The following STX16 variants were observed in gnomAD, a reference collection of about 807,000 sequenced individuals.
STX16 encodes the protein syntaxin 16.
Under a neutral mutation model 42.7 loss-of-function variants are expected in STX16, and 28 were observed. The ratio of observed to expected loss-of-function variants is 0.66; its 90% CI spans 0.49 to 0.90. The LOEUF (loss-of-function observed/expected upper bound fraction) is 0.90, where lower values mean the gene tolerates loss of function less well. STX16 is among the 40% of genes least tolerant of loss of function. The probability of loss-of-function intolerance (pLI) is 0.00; values close to 1 mark genes in which losing one functional copy is unlikely to be tolerated. For missense variants in STX16, 361 were observed against 420.9 expected, an observed-to-expected ratio of 0.86 and a Z score of 1.24; for synonymous variants, 156 against 155.2, an observed-to-expected ratio of 1.00 and a Z score of -0.04.
In STX16 at chr20:58,652,097, C is replaced by A; in HGVS notation, c.91C>A (p.His31Asn). ...GCTGTTAGCCGAGCAAGTGAGTAGT[C>A]ACATCACCTCCAGCCCTCTGCATTC... ...RQLLAEQVSS[H>N]ITSSPLHSRS... Residue 31 changes from histidine to asparagine, a missense_variant, in exon 1 of 9, where the codon CAC becomes AAC. Physicochemically the swap from His to Asn is moderately conservative, Grantham distance 68. Coordinates refer to ENST00000371141, the MANE Select transcript of STX16 (RefSeq NM_001001433.3). 4 of 1,614,190 alleles carry A rather than the reference C, an allele frequency of 2.5e-6. No individual in the cohort carries two copies. The highest frequency in any genetic ancestry group is 3.4e-6 in the Non-Finnish European group (4 of 1,180,036).
Position 58,651,957 on chromosome 20 carries a change from A to T in STX16, c.-50A>T. 6.3e-7 allele frequency: 1 copy of T among 1,596,900 alleles called. No individual in the cohort carries two copies. The highest frequency in any genetic ancestry group is 1.1e-5 in the South Asian group (1 of 90,580). ...CGAGAAAGAAAGTGAATAAATCAGG[A>T]ATATAAGTGGGCGGGGGGCCCCTGA... On this transcript the variant is annotated 5_prime_UTR_variant, in exon 1 of 9. Coordinates refer to ENST00000371141, the MANE Select transcript of STX16 (RefSeq NM_001001433.3).
intron 7 of STX16, 27 bp downstream of exon 7, chr20:58,671,324 T>A: frequency 1.9e-6 from 3 of 1,585,142 alleles, no homozygotes; most frequent in Non-Finnish European, 2.6e-6. Flanking sequence ...TCCTCGTGAA[T>A]AGGTTTTCCT....
intron 4 of STX16, among the ~76,000 whole-genome samples, chr20:58,669,008 T>G (rs1168916758): frequency 6.6e-6 from 1 of 152,182 alleles, no homozygotes; most frequent in Non-Finnish European, 1.5e-5. Context: ...TCCTAAACAT[T>G]GCCAATCCCA....
chr20:58,654,916 T>C (rs751137745), intron 1 of STX16, among the ~76,000 whole-genome samples: 32 of 152,216 alleles, frequency 2.1e-4, no homozygotes, highest in Non-Finnish European at 4.1e-4. Context: ...GTGTGCGACA[T>C]TTTACCATTT....
At chr20:58,663,957 C>T (rs1265315041) in intron 2 of STX16, among the ~76,000 whole-genome samples, 1 of 152,162 alleles carries the variant, frequency 6.6e-6, no homozygotes, top group Non-Finnish European at 1.5e-5. Context: ...GGATTACCGG[C>T]GTGAGCCACC....
At chr20:58,669,850 A>T (rs184824551) in intron 5 of STX16, among the ~76,000 whole-genome samples, 55 of 152,346 alleles carry the variant, frequency 3.6e-4, no homozygotes, top group East Asian at 1.9e-4. Context: ...TTTGCATAAC[A>T]ACCAAAGTGT....
At chr20:58,674,484 A>G (rs145267763) in intron 8 of STX16, among the ~76,000 whole-genome samples, 2 of 152,352 alleles carry the variant, frequency 1.3e-5, no homozygotes, top group East Asian at 3.9e-4. Context: ...TTCTAGCCAT[A>G]TAATGAGTGT....
intron 2 of STX16, among the ~76,000 whole-genome samples, chr20:58,662,499 A>ATT (rs2083723416): frequency 6.6e-6 from 1 of 152,066 alleles, no homozygotes; most frequent in Non-Finnish European, 1.5e-5. Context: ...TTATCTCTAT[A>ATT]TTTTTTGTAT....
chr20:58,670,443 C>G, intron 5 of STX16, 69 bp from the exon 6 acceptor site: 1 of 1,296,328 alleles, frequency 7.7e-7, no homozygotes, highest in Non-Finnish European at 1.1e-6. Context: ...AGAATTCCCC[C>G]TTTTAATGGT....
chr20:58,674,225 T>C (rs1184036736), intron 8 of STX16, among the ~76,000 whole-genome samples: 1 of 152,318 alleles, frequency 6.6e-6, no homozygotes, highest in East Asian at 1.9e-4. Context: ...GAGAAGTTTG[T>C]TGAAGTGAGA....
chr20:58,666,234 A>C (rs2083823955), intron 2 of STX16, among the ~76,000 whole-genome samples: 1 of 152,166 alleles, frequency 6.6e-6, no homozygotes, highest in Non-Finnish European at 1.5e-5. Context: ...TATTATCTAT[A>C]AAGGGCTTTT....
intron 8 of STX16, among the ~76,000 whole-genome samples, chr20:58,675,029 T>C (rs959219508): frequency 3.3e-5 from 5 of 152,232 alleles, no homozygotes; most frequent in African/African-American, 1.2e-4. Context: ...CCTGGTGTTC[T>C]GGGTTACTTA....
chr20:58,677,471 C>T lies in STX16; in HGVS notation c.*1180C>T, dbSNP rs1032264247. 6.6e-6 allele frequency: 1 copy of T among 152,438 alleles called. No homozygotes were observed. 9.4% of individuals were successfully genotyped at this position (152,438 alleles called of 1,614,324 possible). A position where few individuals can be genotyped will look rare whatever the true frequency, so the allele number is the denominator to read the frequency against. ...CGTGGGTCAGACCGCCAAAGTAGGA[C>T]TTCATCGTTTACCTACCTATTATCA... is the stretch of plus-strand genomic sequence containing the variant. On this transcript the variant is annotated 3_prime_UTR_variant, in exon 9 of 9. Transcript: ENST00000371141.
intron 8 of STX16, among the ~76,000 whole-genome samples, chr20:58,675,770 T>G (rs1356300219): frequency 6.6e-6 from 1 of 152,242 alleles, no homozygotes; most frequent in Non-Finnish European, 1.5e-5. Context: ...CAGCCCGTTG[T>G]TTCCTTCCGC....
chr20:58,665,296 A>G (rs947771337), intron 2 of STX16, among the ~76,000 whole-genome samples: 1 of 152,278 alleles, frequency 6.6e-6, no homozygotes, highest in East Asian at 1.9e-4. Context: ...GGCCTGTCCT[A>G]TAGTGCCTGG....
At chr20:58,653,319 T>C (rs892061665) in intron 1 of STX16, among the ~76,000 whole-genome samples, 1 of 152,250 alleles carries the variant, frequency 6.6e-6, no homozygotes, top group Admixed American at 6.5e-5. Flanking sequence ...GTCATGATTA[T>C]CATGTCTACA....
At chr20:58,655,664 T>A (rs2083569612) in intron 1 of STX16, among the ~76,000 whole-genome samples, 1 of 152,178 alleles carries the variant, frequency 6.6e-6, no homozygotes, top group African/African-American at 2.4e-5. Context: ...TCCCAACTAT[T>A]TGTGTCCTGG....
intron 1 of STX16, chr20:58,652,375 C>T (rs996585341): frequency 8.3e-6 from 5 of 600,026 alleles, no homozygotes; most frequent in Non-Finnish European, 1.2e-5. Context: ...CGCAGCACCC[C>T]CCCCCCCGCA....
At chr20:58,652,377 C>CG (rs992812298) in intron 1 of STX16, 82 of 586,116 alleles carry the variant, frequency 1.4e-4, no homozygotes, top group Admixed American at 2.9e-4. Context: ...CAGCACCCCC[C>CG]CCCCCGCACC....
Sources: gnomAD v4.1 joint callset for allele counts (sites outside exome capture counted in the v4.1 genomes callset) on GRCh38, gnomAD v4.1.1 for gene constraint, MANE v1.5 for transcripts, NCBI Gene and HGNC (gene_info 2026-07-23, HGNC 2026-07-21) for gene names.